Variants in NAV1 observed in about 807,000 individuals in gnomAD.
NAV1 encodes the protein neuron navigator 1, also known as pore membrane and/or filament interacting like protein 3.
Under a neutral mutation model 175.2 loss-of-function variants are expected in NAV1, and 18 were observed. The ratio of observed to expected loss-of-function variants is 0.10; its 90% CI spans 0.07 to 0.15. The LOEUF is 0.15. NAV1 is among the 10% of genes least tolerant of loss of function. NAV1 has a pLI of 1.00. For synonymous variants in NAV1, 897 were observed against 978.7 expected, an observed-to-expected ratio of 0.92 and a Z score of 1.56; for missense variants, 1,731 against 2,436.6, an observed-to-expected ratio of 0.71 and a Z score of 6.10.
At chr1:201,636,894 G>C (rs1023604969) in intron 2 of NAV1, among the ~76,000 whole-genome samples, 10 of 152,220 alleles carry the variant, frequency 6.6e-5, no homozygotes, top group African/African-American at 2.4e-4. Flanking sequence ...CATGCAGGCA[G>C]GAGGGAGCAC....
At chr1:201,778,315 G>C (rs188679010) in intron 3 of NAV1, among the ~76,000 whole-genome samples, 1 of 152,314 alleles carries the variant, frequency 6.6e-6, no homozygotes, top group Admixed American at 6.5e-5. Context: ...CCTTCCATAA[G>C]AGCTTTCTTT....
Position 201,652,507 on chromosome 1 carries a change from C to T in NAV1, c.757+3082C>T, listed in dbSNP as rs542022882. On this transcript the variant is annotated intron_variant, in intron 1 of 29. Coordinates refer to ENST00000367296, the Ensembl canonical transcript of NAV1. Reference sequence around the variant, plus strand: ...TTCCAGGAATTAGATGCCTCTGGACCCTGGCCCGATACTCACATCAGGCAG... The same window carrying T: ...TTCCAGGAATTAGATGCCTCTGGACTCTGGCCCGATACTCACATCAGGCAG... Among the ~76,000 whole-genome samples, 4 of 152,280 alleles carry T rather than the reference C, an allele frequency of 2.6e-5. No individual in the cohort carries two copies. In the South Asian group the frequency reaches 6.2e-4, roughly 24 times the overall value.
Position 201,782,655 on chromosome 1 carries a change from C to G in NAV1, c.2143C>G (p.Leu715Val). 1.2e-6 allele frequency: 2 copies of G among 1,614,160 alleles called. No homozygotes were observed. The highest frequency in any genetic ancestry group is 1.6e-4 in the Middle Eastern group (1 of 6,062). ...GCAGGGAGGCCTTACGCCTTCCAGA[C>G]TGAAGGAGCCTACCAAGGTAGCCAG... Residue 715 changes from leucine (L) to valine (V), a missense_variant, in exon 6 of 30, where the codon CTG becomes GTG. Around this residue, in one of 13 missense-constraint regions of NAV1, gnomAD observed 634 missense variants for 766.8 expected, o/e 0.83. Coordinates refer to ENST00000367296, the Ensembl canonical transcript of NAV1. This position sits in a 1 kb window ranked among gnomAD's most constrained non-coding sequence, Gnocchi z 5.4.
At chr1:201,573,824 G>C (rs1226136212) in intron 1 of NAV1, among the ~76,000 whole-genome samples, 1 of 152,136 alleles carries the variant, frequency 6.6e-6, no homozygotes, top group African/African-American at 2.4e-5. Context: ...TCAGCTCAGC[G>C]GGTGCCTGGA....
Position 201,787,973 on chromosome 1 carries a change from T to A in NAV1, c.2996-495T>A, listed in dbSNP as rs541814952. Reference sequence around the variant, plus strand: ...ACTTTGTGGGGAGATTCTCACGCCCTTCCACAATGCCAGGGCAACGGGATC... The same window carrying A: ...ACTTTGTGGGGAGATTCTCACGCCCATCCACAATGCCAGGGCAACGGGATC... On this transcript the variant is annotated intron_variant, in intron 9 of 29. Coordinates refer to ENST00000367296, the Ensembl canonical transcript of NAV1. This position sits in a 1 kb window ranked among gnomAD's most constrained non-coding sequence, Gnocchi z 4.3. 6.6e-6 allele frequency among the ~76,000 whole-genome samples: 1 copy of A among 152,312 alleles called. No individual in the cohort carries two copies. The highest frequency in any genetic ancestry group is 2.1e-4 in the South Asian group (1 of 4,830).
intron 1 of NAV1, among the ~76,000 whole-genome samples, chr1:201,625,568 T>TA (rs1668305818): frequency 6.6e-6 from 1 of 152,214 alleles, no homozygotes; most frequent in African/African-American, 2.4e-5. Flanking sequence ...GCAACTCACT[T>TA]ACGTCCCCTT....
chr1:201,648,359 T>C (rs1669050367), exon 1 of NAV1: 1 of 1,207,226 alleles, frequency 8.3e-7, no homozygotes, highest in South Asian at 4.3e-5. Flanking sequence ...TGACTGATTT[T>C]TAAATTTTAA....
chr1:201,629,879 T>C (rs1279453682), intron 2 of NAV1, among the ~76,000 whole-genome samples: 1 of 152,208 alleles, frequency 6.6e-6, no homozygotes, highest in Admixed American at 6.5e-5. Context: ...CAGAGCCATC[T>C]GGCTTGCTGC....
rs114923905 is a variant in NAV1 at position 201,709,566 on chromosome 1, G to A, written c.758-3251G>A. Reference sequence around the variant, plus strand: ...AATGTGTCTGTCACCTAGCAATGTGGAGGAAGCCAGACTTACCAGGGGCCC... The same window carrying A: ...AATGTGTCTGTCACCTAGCAATGTGAAGGAAGCCAGACTTACCAGGGGCCC... On this transcript the variant is annotated intron_variant, in intron 1 of 29. Coordinates refer to ENST00000367296, the Ensembl canonical transcript of NAV1. Among the ~76,000 whole-genome samples the A allele has an allele frequency of 6.6e-3, 1,010 of 152,184 alleles. 11 individuals are homozygous for A. Among genetic ancestry groups the A allele is most frequent in the African/African-American group, 0.023 (952 of 41,476 alleles).
rs765100265 is a variant in NAV1 at position 201,782,318 on chromosome 1, G to A, written c.1806G>A (p.Ser602=). 2.2e-5 allele frequency: 36 copies of A among 1,614,042 alleles called. No individual in the cohort carries two copies. The East Asian group carries it at 2.9e-4, about 13-fold the overall frequency. ...CGGGCATTGCTCGCCCCTCCACTTCGGGATCCTTTGGCTACAAGAAGCCTC... is the reference window on the plus strand; with the variant it reads ...CGGGCATTGCTCGCCCCTCCACTTCAGGATCCTTTGGCTACAAGAAGCCTC... The change falls in exon 6 of 30, where the codon TCG becomes TCA. Residue 602 remains serine, a synonymous_variant. Coordinates refer to ENST00000367296, the Ensembl canonical transcript of NAV1. This position sits in a 1 kb window ranked among gnomAD's most constrained non-coding sequence, Gnocchi z 5.4.
intron 3 of NAV1, among the ~76,000 whole-genome samples, chr1:201,766,815 T>G (rs1675235971): frequency 6.6e-6 from 1 of 152,040 alleles, no homozygotes; most frequent in Non-Finnish European, 1.5e-5. Context: ...CCACATACTT[T>G]TTTTGTTTTT....
intron 15 of NAV1, among the ~76,000 whole-genome samples, chr1:201,803,032 T>G (rs1307839443): frequency 1.3e-5 from 2 of 152,196 alleles, no homozygotes; most frequent in Non-Finnish European, 2.9e-5. Flanking sequence ...TACTCAGACA[T>G]CTCCTTTGTT....
intron 3 of NAV1, among the ~76,000 whole-genome samples, chr1:201,744,174 C>T (rs1424727752): frequency 1.3e-5 from 2 of 152,216 alleles, no homozygotes; most frequent in African/African-American, 4.8e-5. Context: ...TGAGCCACCA[C>T]ACCCGGTCAA....
At chr1:201,752,417 G>A (rs1674176645) in intron 3 of NAV1, among the ~76,000 whole-genome samples, 1 of 152,138 alleles carries the variant, frequency 6.6e-6, no homozygotes, top group Non-Finnish European at 1.5e-5. Flanking sequence ...GGGGGAGGAA[G>A]CTATTCAGAA....
chr1:201,616,491 C>CTT (rs550899315), intron 2 of NAV1, among the ~76,000 whole-genome samples: 1 of 149,792 alleles, frequency 6.7e-6, no homozygotes, highest in East Asian at 2.0e-4. Context: ...CTCTCTCTCT[C>CTT]TTTTTTTTTT....
In NAV1 at chr1:201,757,999, C is replaced by CAT. The variant is rs1219999754; in HGVS notation, c.1227-22419_1227-22418dup. Among the ~76,000 whole-genome samples the CAT allele has an allele frequency of 2.0e-5, 3 of 152,248 alleles. No individual in the cohort carries two copies. In the East Asian group the frequency reaches 5.8e-4, roughly 29 times the overall value. On this transcript the variant is annotated intron_variant, in intron 3 of 29. Transcript: ENST00000367296. ...AGCCACAGGGCCTCCTGCCCCCATCCATATGTCTCAGTATGGTGGCCCCAC... is the reference window on the plus strand; with the variant it reads ...AGCCACAGGGCCTCCTGCCCCCATCCATATATGTCTCAGTATGGTGGCCCCAC...
At chr1:201,792,032 C>A (rs1408316162) in intron 13 of NAV1, 1 of 152,102 alleles carries the variant, frequency 6.6e-6, no homozygotes, top group Admixed American at 6.6e-5. Context: ...ATTTACACTG[C>A]AATCTGTCAG....
chr1:201,815,939 TG>T (rs1679003707), intron 28 of NAV1, among the ~76,000 whole-genome samples: 2 of 152,098 alleles, frequency 1.3e-5, no homozygotes, highest in Admixed American at 1.3e-4. Context: ...GGTTTCTCCT[TG>T]TTGGTCAGGC....
In NAV1 at chr1:201,740,210, CAAG is replaced by C. The variant is rs1013388219; in HGVS notation, c.1226+21459_1226+21461del. 9.4e-6 allele frequency: 7 copies of C among 744,240 alleles called. No homozygotes were observed. Among genetic ancestry groups the C allele is most frequent in the African/African-American group, 3.7e-5 (2 of 53,570 alleles). 46.1% of individuals were successfully genotyped at this position (744,240 alleles called of 1,614,324 possible). A position where few individuals can be genotyped will look rare whatever the true frequency, so the allele number is the denominator to read the frequency against. On this transcript the variant is annotated intron_variant, in intron 3 of 29. Transcript: ENST00000367296. The surrounding 1 kb of genome is among the most constrained non-coding windows in gnomAD (Gnocchi z 4.7). The stretch of plus-strand genomic sequence containing the variant: ...TCAGGGGCAGTGGGTGTGGGGTCCG[CAAG>C]AAGGAGGGTCTTGGCCGCGCTCGCT...
Sources: allele counts gnomAD v4.1 joint callset (sites outside exome capture counted in the v4.1 genomes callset), GRCh38; gene constraint gnomAD v4.1.1; regional missense constraint gnomAD v4.1.1; non-coding constraint Gnocchi (gnomAD v3.1); transcripts MANE v1.5; gene names NCBI Gene and HGNC (gene_info 2026-07-23, HGNC 2026-07-21).